FGFR4: variants seen among roughly 807,000 people sequenced by gnomAD.
FGFR4 encodes hydroxyaryl-protein kinase.
A neutral mutation model predicts 89.9 loss-of-function variants in FGFR4; 63 were observed. That is an observed-to-expected ratio of 0.70 (90% CI 0.57 to 0.86). The LOEUF (loss-of-function observed/expected upper bound fraction) is 0.86, where lower values mean the gene tolerates loss of function less well. FGFR4 is among the 40% of genes least tolerant of loss of function. The pLI, the probability that FGFR4 is intolerant of heterozygous loss-of-function variation, is 0.00. For synonymous variants in FGFR4, 486 were observed against 479.4 expected, an observed-to-expected ratio of 1.01 and a Z score of -0.18; for missense variants, 928 against 1,106.7, an observed-to-expected ratio of 0.84 and a Z score of 2.29.
Position 177,089,655 on chromosome 5 carries a change from C to T in FGFR4, c.53C>T (p.Pro18Leu), listed in dbSNP as rs2149729712. Residue 18 changes from proline (P) to leucine (L), a missense_variant, in exon 2 of 18, where the codon CCA becomes CTA. By Grantham distance (98) the Pro-to-Leu change is moderately conservative. Coordinates refer to ENST00000292408, the MANE Select transcript of FGFR4 (RefSeq NM_213647.3). ...LGVLLSVPGPPVLSLEASEEV... is the reference protein window; with the variant it reads ...LGVLLSVPGPLVLSLEASEEV... The stretch of plus-strand genomic sequence containing the variant: ...GTCCTGCTGAGTGTGCCTGGGCCTC[C>T]AGTCTTGTCCCTGGAGGCCTCTGAG... 6.2e-7 allele frequency: 1 copy of T among 1,614,016 alleles called. No individual in the cohort carries two copies. The highest frequency in any genetic ancestry group is 8.5e-7 in the Non-Finnish European group (1 of 1,179,988).
rs1784432240 is a variant in FGFR4, at chr5:177,093,258, AGGC to A, written c.1180_1182del (p.Ala394del). On this transcript the variant is annotated inframe_deletion, in exon 9 of 18. Coordinates refer to ENST00000292408, the MANE Select transcript of FGFR4 (RefSeq NM_213647.3). The surrounding 1 kb of genome is among the most constrained non-coding windows in gnomAD (Gnocchi z 5.8). ...CTGCTGGCCGGGCTGTATCGAGGGC[AGGC>A]GCTCCACGGCCGGCACCCCCGCCCG... 5 of 1,612,892 alleles carry A rather than the reference AGGC, an allele frequency of 3.1e-6. No individual in the cohort carries two copies. The highest frequency in any genetic ancestry group is 4.2e-6 in the Non-Finnish European group (5 of 1,179,442).
chr5:177,090,509 A>G lies in FGFR4; in HGVS notation c.211A>G (p.Ser71Gly), dbSNP rs1459430948. 8 of 1,567,740 alleles carry G rather than the reference A, an allele frequency of 5.1e-6. No homozygotes were observed. The Admixed American group carries it at 1.4e-4, about 28-fold the overall frequency. ...TGGTGGCCACTGGTACAAGGAGGGC[A>G]GTCGCCTGGCACCTGCTGGCCGTGT... ...ERGGHWYKEGSRLAPAGRVRG... is the reference protein window; with the variant it reads ...ERGGHWYKEGGRLAPAGRVRG... The change falls in exon 3 of 18, where the codon AGT becomes GGT. Residue 71 changes from serine to glycine, a missense_variant. Coordinates refer to ENST00000292408, the MANE Select transcript of FGFR4 (RefSeq NM_213647.3).
chr5:177,092,834 G>A lies in FGFR4; in HGVS notation c.1057+50G>A, dbSNP rs1784415859. Reference sequence around the variant, plus strand: ...TGCTGCGAGATGCCCCTCTGGGCCAGCAGTGGGGGCTGTGGCCTGTTGGGT... The same window carrying A: ...TGCTGCGAGATGCCCCTCTGGGCCAACAGTGGGGGCTGTGGCCTGTTGGGT... On this transcript the variant is annotated intron_variant, in intron 8 of 17. Transcript: ENST00000292408. 1.9e-6 allele frequency: 3 copies of A among 1,613,270 alleles called. No individual in the cohort carries two copies. In the African/African-American group the frequency reaches 4.0e-5, roughly 21 times the overall value.
chr5:177,093,894 T>A lies in FGFR4; in HGVS notation c.1519+119T>A. 8.5e-7 allele frequency: 1 copy of A among 1,175,608 alleles called. No homozygotes were observed. Among genetic ancestry groups the A allele is most frequent in the Non-Finnish European group, 1.2e-6 (1 of 856,152 alleles). The allele number at this position is 1,175,608 out of a possible 1,614,324, so 72.8% of individuals were successfully genotyped here. On this transcript the variant is annotated intron_variant, in intron 11 of 17. Coordinates refer to ENST00000292408, the MANE Select transcript of FGFR4 (RefSeq NM_213647.3). The surrounding 1 kb of genome is among the most constrained non-coding windows in gnomAD (Gnocchi z 5.8). Reference sequence around the variant, plus strand: ...CCAGCCTGGGCAACATGGCAAGACTTCATCTCTACAAAAAAAAAATAAGAA... The same window carrying A: ...CCAGCCTGGGCAACATGGCAAGACTACATCTCTACAAAAAAAAAATAAGAA...
chr5:177,093,198 ACG>A lies in FGFR4; in HGVS notation c.1121_1122del (p.Ala374ValfsTer121). ...GCCAGGTATACGGACATCATCCTGT[ACG>A]CGTCGGGCTCCCTGGCCTTGGCTGT... On this transcript the variant is annotated frameshift_variant, in exon 9 of 18. Coordinates refer to ENST00000292408, the MANE Select transcript of FGFR4 (RefSeq NM_213647.3). LOFTEE classifies it high-confidence loss of function. The surrounding 1 kb of genome is among the most constrained non-coding windows in gnomAD (Gnocchi z 5.8). 6.2e-7 allele frequency: 1 copy of A among 1,613,166 alleles called. No homozygotes were observed. Among genetic ancestry groups the A allele is most frequent in the Non-Finnish European group, 8.5e-7 (1 of 1,179,296 alleles).
In FGFR4 at chr5:177,087,567, G is replaced by T; in HGVS notation, c.-54+490G>T. On this transcript the variant is annotated intron_variant, in intron 1 of 17. Transcript: ENST00000292408. The surrounding 1 kb of genome is among the most constrained non-coding windows in gnomAD (Gnocchi z 6.1). Reference sequence around the variant, plus strand: ...GGCAGGCCCTCCATTCCCACGTGGGGGGTGGTCGGTCAGCGGTCAGCAGCC... The same window carrying T: ...GGCAGGCCCTCCATTCCCACGTGGGTGGTGGTCGGTCAGCGGTCAGCAGCC... 1 of 985,484 alleles carries T rather than the reference G, an allele frequency of 1.0e-6. No homozygotes were observed. 61.0% of individuals were successfully genotyped at this position (985,484 alleles called of 1,614,324 possible). A position where few individuals can be genotyped will look rare whatever the true frequency, so the allele number is the denominator to read the frequency against.
intron 16 of FGFR4, 102 bp from the exon 17 acceptor site, chr5:177,097,190 C>T: frequency 1.1e-6 from 1 of 894,468 alleles, no homozygotes; most frequent in Non-Finnish European, 1.7e-6. Context: ...TATCCCTCAT[C>T]AAACTCCCCA....
intron 16 of FGFR4, 145 bp from the exon 17 acceptor site, chr5:177,097,147 G>A (rs1784633154): frequency 1.7e-6 from 1 of 585,468 alleles, no homozygotes; most frequent in Non-Finnish European, 3.0e-6. Context: ...GCCTAGTGGA[G>A]TGTCCTGGCC....
rs1296037950 is a variant in FGFR4 at position 177,097,623 on chromosome 5, C to T, written c.2356C>T (p.Pro786Ser). 1 of 1,614,224 alleles carries T rather than the reference C, an allele frequency of 6.2e-7. No homozygotes were observed. The highest frequency in any genetic ancestry group is 1.1e-5 in the South Asian group (1 of 91,090). ...CAGCGATTCTGTCTTCAGCCACGAC[C>T]CCCTGCCATTGGGATCCAGCTCCTT... ...SSSDSVFSHDPLPLGSSSFPF... is the reference protein window; with the variant it reads ...SSSDSVFSHDSLPLGSSSFPF... Residue 786 changes from proline (P) to serine (S), a missense_variant, in exon 18 of 18, where the codon CCC becomes TCC. By Grantham distance (74) the Pro-to-Ser change is moderately conservative (BLOSUM62 -1). Around this residue, in one of 5 missense-constraint regions of FGFR4, gnomAD observed 129 missense variants for 150.8 expected, o/e 0.86. Transcript: ENST00000292408.
In FGFR4 at chr5:177,086,941, C is replaced by T. The variant is rs1784163152; in HGVS notation, c.-190C>T. 6.6e-6 allele frequency: 1 copy of T among 151,874 alleles called. No homozygotes were observed. The highest frequency in any genetic ancestry group is 6.6e-5 in the Admixed American group (1 of 15,260). 9.4% of individuals were successfully genotyped at this position (151,874 alleles called of 1,614,324 possible). On this transcript the variant is annotated 5_prime_UTR_variant, in exon 1 of 18. Coordinates refer to ENST00000292408, the MANE Select transcript of FGFR4 (RefSeq NM_213647.3). Reference sequence around the variant, plus strand: ...ATTCCTCGCTCCCGGCCGAGGAGCGCTCGGGCTGTCTGCGGACCCTGCCGC... The same window carrying T: ...ATTCCTCGCTCCCGGCCGAGGAGCGTTCGGGCTGTCTGCGGACCCTGCCGC...
chr5:177,097,952 G>T lies in FGFR4; in HGVS notation c.*276G>T. On this transcript the variant is annotated 3_prime_UTR_variant, in exon 18 of 18. Transcript: ENST00000292408. Reference sequence around the variant, plus strand: ...GGAGAGCTGCTATGCTAAACCTCCTGCCTCCCAATACCAGCAGGAGGTTCT... The same window carrying T: ...GGAGAGCTGCTATGCTAAACCTCCTTCCTCCCAATACCAGCAGGAGGTTCT... 2.7e-6 allele frequency: 1 copy of T among 374,332 alleles called. No homozygotes were observed. 23.2% of individuals were successfully genotyped at this position (374,332 alleles called of 1,614,324 possible).
Position 177,088,400 on chromosome 5 carries a change from G to A in FGFR4, c.-53-1150G>A, listed in dbSNP as rs570189379. The A allele has an allele frequency of 9.3e-4, 183 of 195,968 alleles. 4 individuals carry two copies. The highest frequency in any genetic ancestry group is 1.5e-3 in the Admixed American group (25 of 16,418). The allele number at this position is 195,968 out of a possible 1,614,324, so 12.1% of individuals were successfully genotyped here. On this transcript the variant is annotated intron_variant, in intron 1 of 17. Coordinates refer to ENST00000292408, the MANE Select transcript of FGFR4 (RefSeq NM_213647.3). ...GCTGGAAGATGAAGGTTGAAGAGCC[G>A]AGGGAGAGGATGTTTCCAGAGGCCC... is the stretch of plus-strand genomic sequence containing the variant.
At chr5:177,090,274 C>T (rs749787833) in intron 2 of FGFR4, 116 bp from the exon 3 acceptor site, 1 of 1,480,170 alleles carries the variant, frequency 6.8e-7, no homozygotes, top group East Asian at 2.3e-5. Flanking sequence ...AGTGGTGGCT[C>T]CTTCAGCATG....
Position 177,097,585 on chromosome 5 carries a change from G to A in FGFR4, c.2318G>A (p.Ser773Asn), listed in dbSNP as rs370297992. The A allele has an allele frequency of 5.3e-5, 86 of 1,614,002 alleles. No homozygotes were observed. The Admixed American group carries it at 7.8e-4, about 15-fold the overall frequency. The change falls in exon 18 of 18, where the codon AGC becomes AAC. Residue 773 changes from serine to asparagine, a missense_variant. Coordinates refer to ENST00000292408, the MANE Select transcript of FGFR4 (RefSeq NM_213647.3). The part of the protein sequence containing the change: ...PYSPSGGDAS[S>N]TCSSSDSVFS... ...TCCCCCTCTGGTGGGGACGCCAGCA[G>A]CACCTGCTCCTCCAGCGATTCTGTC...
chr5:177,092,352 C>T lies in FGFR4; in HGVS notation c.759C>T (p.Ala253=), dbSNP rs746679353. Residue 253 remains alanine, a synonymous_variant, in exon 7 of 18, where the codon GCC becomes GCT. Transcript: ENST00000292408. The part of the protein sequence containing the change: ...ERSPHRPILQ[A]GLPANTTAVV... ...CCCCGCACCGGCCCATCCTGCAGGCCGGGCTCCCGGCCAACACCACAGCCG... is the reference window on the plus strand; with the variant it reads ...CCCCGCACCGGCCCATCCTGCAGGCTGGGCTCCCGGCCAACACCACAGCCG... The T allele has an allele frequency of 1.1e-5, 17 of 1,597,988 alleles. No homozygotes were observed. Among genetic ancestry groups the T allele is most frequent in the Admixed American group, 5.1e-5 (3 of 58,726 alleles).
At position 177,090,535 on chromosome 5, in the gene FGFR4, A is replaced by G. The variant is rs1784326798; in HGVS notation, c.237A>G (p.Val79=). The G allele has an allele frequency of 6.4e-7, 1 of 1,552,392 alleles. No homozygotes were observed. The highest frequency in any genetic ancestry group is 1.4e-5 in the African/African-American group (1 of 73,468). Residue 79 remains valine (V), a synonymous_variant, in exon 3 of 18, where the codon GTA becomes GTG. Coordinates refer to ENST00000292408, the MANE Select transcript of FGFR4 (RefSeq NM_213647.3). The part of the protein sequence containing the change: ...EGSRLAPAGR[V]RGWRGRLEIA... Reference sequence around the variant, plus strand: ...GTCGCCTGGCACCTGCTGGCCGTGTACGGGGCTGGAGGGGCCGCCTAGAGA... The same window carrying G: ...GTCGCCTGGCACCTGCTGGCCGTGTGCGGGGCTGGAGGGGCCGCCTAGAGA...
chr5:177,095,807 C>A lies in FGFR4; in HGVS notation c.1821+84C>A. On this transcript the variant is annotated intron_variant, in intron 13 of 17. Coordinates refer to ENST00000292408, the MANE Select transcript of FGFR4 (RefSeq NM_213647.3). This position sits in a 1 kb window ranked among gnomAD's most constrained non-coding sequence, Gnocchi z 5.7. ...TGGCATTCAATGTCCCGACTTCTCC[C>A]TCTCTGCTCTTTTTCATGACCCCAC... 7.2e-7 allele frequency: 1 copy of A among 1,384,522 alleles called. No individual in the cohort carries two copies. Among genetic ancestry groups the A allele is most frequent in the African/African-American group, 1.5e-5 (1 of 68,916 alleles). The allele number at this position is 1,384,522 out of a possible 1,614,324, so 85.8% of individuals were successfully genotyped here.
At position 177,090,131 on chromosome 5, in the gene FGFR4, TATGC is replaced by T. The variant is rs779219600; in HGVS notation, c.92-258_92-255del. 672 of 581,480 alleles carry T rather than the reference TATGC, an allele frequency of 1.2e-3. 1 individual carries two copies. The highest frequency in any genetic ancestry group is 9.8e-4 in the Non-Finnish European group (318 of 325,272). 36.0% of individuals were successfully genotyped at this position (581,480 alleles called of 1,614,324 possible). A position where few individuals can be genotyped will look rare whatever the true frequency, so the allele number is the denominator to read the frequency against. On this transcript the variant is annotated intron_variant, in intron 2 of 17. Transcript: ENST00000292408. ...GTGTGTGTCCGTATGTGTGTGTGTG[TATGC>T]GTGTGTGTGTGTGTGTGTGTCTTGG...
chr5:177,091,862 G>T, intron 6 of FGFR4, 54 bp downstream of exon 6: 1 of 1,606,606 alleles, frequency 6.2e-7, no homozygotes, highest in Non-Finnish European at 8.5e-7. Context: ...GCTCAGTTGT[G>T]CCCTCTTGGT....
Sources: gnomAD v4.1 joint callset for allele counts on GRCh38, gnomAD v4.1.1 for gene constraint, gnomAD v4.1.1 regional missense constraint, Gnocchi (gnomAD v3.1) non-coding constraint, MANE v1.5 for transcripts, NCBI Gene and HGNC (gene_info 2026-07-23, HGNC 2026-07-21) for gene names.